Variants in PPARD observed in about 807,000 individuals in gnomAD.
The protein encoded by PPARD is peroxisome proliferator-activated receptor delta.
Under a neutral mutation model 39.5 loss-of-function variants are expected in PPARD, and 6 were observed. The ratio of observed to expected loss-of-function variants is 0.15; its 90% CI spans 0.08 to 0.30. PPARD has a LOEUF of 0.30. PPARD is among the 10% of genes least tolerant of loss of function. PPARD has a pLI of 1.00. For synonymous variants in PPARD, 210 were observed against 231.3 expected (o/e 0.91, Z 0.83); for missense variants, 397 against 596.8 (o/e 0.67, Z 3.49).
chr6:35,394,800 T>C (rs1402134260), intron 2 of PPARD, among the ~76,000 whole-genome samples: 1 of 121,838 alleles, frequency 8.2e-6, no homozygotes, highest in African/African-American at 3.3e-5. Context: ...AAAAAAAAAA[T>C]CAGATAAGCA....
rs1766564975 is a variant in PPARD at position 35,426,190 on chromosome 6, G to C, written c.*111G>C. On this transcript the variant is annotated 3_prime_UTR_variant, in exon 8 of 8. Coordinates refer to ENST00000360694, the MANE Select transcript of PPARD (RefSeq NM_006238.5). Reference sequence around the variant, plus strand: ...TGAGCACCCGGCCTGGAGCAGCAGAGTCCCACGATCGCCCTCAGACACATG... The same window carrying C: ...TGAGCACCCGGCCTGGAGCAGCAGACTCCCACGATCGCCCTCAGACACATG... 3 of 1,444,968 alleles carry C rather than the reference G, an allele frequency of 2.1e-6. No individual in the cohort carries two copies. The East Asian group carries it at 7.3e-5, about 35-fold the overall frequency. 89.5% of individuals were successfully genotyped at this position (1,444,968 alleles called of 1,614,324 possible). A position where few individuals can be genotyped will look rare whatever the true frequency, so the allele number is the denominator to read the frequency against.
At chr6:35,358,322 C>T (rs1287608613) in intron 2 of PPARD, among the ~76,000 whole-genome samples, 2 of 152,212 alleles carry the variant, frequency 1.3e-5, no homozygotes. Flanking sequence ...CTTAGAACCT[C>T]TGGAGGAAGT....
At chr6:35,387,632 T>A (rs1015653576) in intron 2 of PPARD, among the ~76,000 whole-genome samples, 3 of 151,756 alleles carry the variant, frequency 2.0e-5, no homozygotes, top group Non-Finnish European at 4.4e-5. Context: ...CACACTAAAT[T>A]GCTCTGACAC....
chr6:35,350,926 C>T lies in PPARD; in HGVS notation c.-102+3776C>T, dbSNP rs540139699. Among the ~76,000 whole-genome samples the T allele has an allele frequency of 1.0e-3, 158 of 151,852 alleles. 2 individuals are homozygous for T. Among genetic ancestry groups the T allele is most frequent in the African/African-American group, 3.5e-3 (147 of 41,538 alleles). On this transcript the variant is annotated intron_variant, in intron 2 of 7. Transcript: ENST00000360694. The stretch of plus-strand genomic sequence containing the variant: ...ACAGGCATGAGCCACCGCGCCTGGG[C>T]GAAAGATGGCTTATTTTGAAGTCAA...
chr6:35,419,454 C>G (rs1765997481), intron 3 of PPARD, among the ~76,000 whole-genome samples: 1 of 152,214 alleles, frequency 6.6e-6, no homozygotes, highest in East Asian at 1.9e-4. Context: ...CCCCGTGGTT[C>G]AAACATCTAT....
At chr6:35,418,636 G>T (rs1032231308) in intron 3 of PPARD, among the ~76,000 whole-genome samples, 1 of 152,194 alleles carries the variant, frequency 6.6e-6, no homozygotes, top group African/African-American at 2.4e-5. Context: ...CCCTCCCAGA[G>T]CACAGCTTTT....
intron 2 of PPARD, among the ~76,000 whole-genome samples, chr6:35,375,207 G>A (rs1200545814): frequency 7.5e-6 from 1 of 133,690 alleles, no homozygotes; most frequent in Non-Finnish European, 1.6e-5. Flanking sequence ...TTCTCCTTCC[G>A]AGTTTTTTTT....
chr6:35,384,004 ACGCCCCGCCAGC>A (rs1322571617), intron 2 of PPARD, among the ~76,000 whole-genome samples: 3 of 100,418 alleles, frequency 3.0e-5, no homozygotes, highest in Non-Finnish European at 5.9e-5. Context: ...GGTCAGCCCC[ACGCCCCGCCAGC>A]CGCCCCGTCA....
intron 2 of PPARD, among the ~76,000 whole-genome samples, chr6:35,383,878 ACCCC>A (rs1763334734): frequency 7.3e-6 from 1 of 137,324 alleles, no homozygotes; most frequent in African/African-American, 3.0e-5. Context: ...CCCGGCAGCC[ACCCC>A]GTCTGGGAAG....
At chr6:35,388,411 C>T (rs536144856) in intron 2 of PPARD, among the ~76,000 whole-genome samples, 6 of 152,142 alleles carry the variant, frequency 3.9e-5, no homozygotes, top group Admixed American at 1.3e-4. Context: ...TGAGCCAAAC[C>T]TTTTTCTCAA....
chr6:35,360,349 G>A (rs1012052280), intron 2 of PPARD, among the ~76,000 whole-genome samples: 4 of 152,308 alleles, frequency 2.6e-5, no homozygotes, highest in Non-Finnish European at 5.9e-5. Flanking sequence ...AGAGAAATAA[G>A]GGAGGGAAAT....
At position 35,353,741 on chromosome 6, in the gene PPARD, G is replaced by T. The variant is rs180797423; in HGVS notation, c.-102+6591G>T. 8.5e-5 allele frequency among the ~76,000 whole-genome samples: 13 copies of T among 152,290 alleles called. No homozygotes were observed. The East Asian group carries it at 2.5e-3, about 29-fold the overall frequency. Reference sequence around the variant, plus strand: ...AGTCAGGAGGGGCACACAGCAGAAAGAATTTGAAGGAGGTCAGATTGGAGC... The same window carrying T: ...AGTCAGGAGGGGCACACAGCAGAAATAATTTGAAGGAGGTCAGATTGGAGC... On this transcript the variant is annotated intron_variant, in intron 2 of 7. Coordinates refer to ENST00000360694, the MANE Select transcript of PPARD (RefSeq NM_006238.5).
intron 2 of PPARD, among the ~76,000 whole-genome samples, chr6:35,357,294 C>G (rs1213266089): frequency 2.0e-5 from 3 of 152,220 alleles, no homozygotes; most frequent in Non-Finnish European, 4.4e-5. Context: ...CCATCCTGAT[C>G]TAGAGCTTGT....
At chr6:35,423,376 A>T (rs1426384138) in intron 5 of PPARD, among the ~76,000 whole-genome samples, 2 of 151,976 alleles carry the variant, frequency 1.3e-5, no homozygotes, top group Non-Finnish European at 2.9e-5. Context: ...TAAAAAAAAA[A>T]TACAAAAATT....
intron 2 of PPARD, among the ~76,000 whole-genome samples, chr6:35,373,834 A>AT (rs1437041999): frequency 4.6e-5 from 7 of 151,568 alleles, no homozygotes; most frequent in Non-Finnish European, 8.8e-5. Context: ...CACCTGGCTA[A>AT]TTTTTTTTGT....
At chr6:35,358,881 C>G (rs1303315453) in intron 2 of PPARD, among the ~76,000 whole-genome samples, 1 of 152,162 alleles carries the variant, frequency 6.6e-6, no homozygotes, top group Non-Finnish European at 1.5e-5. Flanking sequence ...TAAAAAATCT[C>G]CTGCTCTCGT....
chr6:35,416,666 CATG>C (rs1391591836), intron 3 of PPARD, among the ~76,000 whole-genome samples: 3 of 152,188 alleles, frequency 2.0e-5, no homozygotes, highest in Non-Finnish European at 4.4e-5. Context: ...CCCAGGACAT[CATG>C]ATGCGGGGGA....
In PPARD at chr6:35,428,121, A is replaced by T. The variant is rs1177236131; in HGVS notation, c.*2042A>T. On this transcript the variant is annotated 3_prime_UTR_variant, in exon 8 of 8. Coordinates refer to ENST00000360694, the MANE Select transcript of PPARD (RefSeq NM_006238.5). ...GGAGCCCCAGCTTCCTGTGTTTTTA[A>T]TATAAATAGTGTACACAGACTGACG... 6.6e-6 allele frequency: 1 copy of T among 152,654 alleles called. No individual in the cohort carries two copies. The highest frequency in any genetic ancestry group is 6.5e-5 in the Admixed American group (1 of 15,282). The allele number at this position is 152,654 out of a possible 1,614,324, so 9.5% of individuals were successfully genotyped here.
At chr6:35,393,269 G>A (rs1054502251) in intron 2 of PPARD, among the ~76,000 whole-genome samples, 5 of 152,168 alleles carry the variant, frequency 3.3e-5, no homozygotes, top group South Asian at 2.1e-4. Context: ...GGAGAGCCCC[G>A]AAAGGAAACA....
Sources: allele counts gnomAD v4.1 joint callset (sites outside exome capture counted in the v4.1 genomes callset), GRCh38; gene constraint gnomAD v4.1.1; transcripts MANE v1.5; gene names NCBI Gene and HGNC (gene_info 2026-07-23, HGNC 2026-07-21).